The following DAPK1 variants were observed in gnomAD, a reference collection of about 807,000 sequenced individuals.
DAPK1 encodes death-associated protein kinase 1.
Under a neutral mutation model 144.9 loss-of-function variants are expected in DAPK1, and 56 were observed. The ratio of observed to expected loss-of-function variants is 0.39; its 90% CI spans 0.31 to 0.48. DAPK1 has a LOEUF of 0.48. DAPK1 is among the 20% of genes least tolerant of loss of function. The pLI, the probability that DAPK1 is intolerant of heterozygous loss-of-function variation, is 0.95. For missense variants in DAPK1, 1,454 were observed against 1,875.4 expected, an observed-to-expected ratio of 0.78 and a Z score of 4.15; for synonymous variants, 690 against 749.0, an observed-to-expected ratio of 0.92 and a Z score of 1.29.
intron 2 of DAPK1, among the ~76,000 whole-genome samples, chr9:87,603,878 C>T (rs1255908465): frequency 6.6e-6 from 1 of 152,144 alleles, no homozygotes; most frequent in Non-Finnish European, 1.5e-5. Context: ...TCTATTATTA[C>T]AGTCTTTAAT....
chr9:87,639,296 A>C, intron 4 of DAPK1, 58 bp from the exon 5 acceptor site: 5 of 1,419,838 alleles, frequency 3.5e-6, no homozygotes, highest in East Asian at 2.4e-5. Context: ...CTATTCTGCC[A>C]TCTTGTCCTC....
At chr9:87,581,133 A>G (rs1006469513) in intron 2 of DAPK1, among the ~76,000 whole-genome samples, 4 of 152,178 alleles carry the variant, frequency 2.6e-5, no homozygotes, top group African/African-American at 9.7e-5. Context: ...AGTCTGTTGC[A>G]CACTCTTTCC....
intron 21 of DAPK1, among the ~76,000 whole-genome samples, chr9:87,691,363 CT>C (rs1180930299): frequency 5.3e-5 from 8 of 151,670 alleles, no homozygotes; most frequent in African/African-American, 1.7e-4. Context: ...TCATTTTGTT[CT>C]TTTGGGTCTT....
At chr9:87,659,777 C>T (rs563680006) in intron 18 of DAPK1, among the ~76,000 whole-genome samples, 2 of 152,316 alleles carry the variant, frequency 1.3e-5, no homozygotes, top group East Asian at 3.9e-4. Flanking sequence ...CTCAGAGCCG[C>T]ACCCGCAGCG....
chr9:87,703,847 C>A (rs1395902254), intron 25 of DAPK1, among the ~76,000 whole-genome samples: 1 of 152,242 alleles, frequency 6.6e-6, no homozygotes, highest in East Asian at 1.9e-4. Context: ...CTAATGGCAT[C>A]ATATGCCTGT....
chr9:87,633,631 G>A (rs1829788767), intron 3 of DAPK1, among the ~76,000 whole-genome samples: 1 of 152,092 alleles, frequency 6.6e-6, no homozygotes, highest in African/African-American at 2.4e-5. Flanking sequence ...TAACTCTTGG[G>A]GTTCCAGGGT....
chr9:87,570,744 GT>G (rs1190194354), intron 2 of DAPK1, among the ~76,000 whole-genome samples: 1 of 151,716 alleles, frequency 6.6e-6, no homozygotes, highest in East Asian at 2.0e-4. Context: ...TGAATTGCCT[GT>G]TCAGCTGTTC....
At chr9:87,591,018 T>A (rs1828114317) in intron 2 of DAPK1, among the ~76,000 whole-genome samples, 1 of 152,244 alleles carries the variant, frequency 6.6e-6, no homozygotes, top group South Asian at 2.1e-4. Context: ...ACAAATTACT[T>A]GATGACTATG....
At chr9:87,588,982 A>G (rs111337827) in intron 2 of DAPK1, among the ~76,000 whole-genome samples, 15,327 of 150,844 alleles carry the variant, frequency 0.1, 1,441 homozygotes, top group African/African-American at 0.25. Flanking sequence ...TCCACTTCCC[A>G]GGTTCAAGTG....
intron 2 of DAPK1, among the ~76,000 whole-genome samples, chr9:87,535,240 G>A (rs747765734): frequency 1.1e-4 from 16 of 151,906 alleles, no homozygotes; most frequent in Middle Eastern, 3.4e-3. Flanking sequence ...CCCCCCTTTC[G>A]TTCTCTTTAA....
At chr9:87,664,677 C>T (rs1022150977) in intron 18 of DAPK1, among the ~76,000 whole-genome samples, 1 of 152,220 alleles carries the variant, frequency 6.6e-6, no homozygotes, top group East Asian at 1.9e-4. Flanking sequence ...ATTGCTGCCT[C>T]CTAAGTGGGC....
intron 2 of DAPK1, among the ~76,000 whole-genome samples, chr9:87,547,221 A>G (rs1349982990): frequency 6.6e-6 from 1 of 152,240 alleles, no homozygotes; most frequent in Admixed American, 6.5e-5. Flanking sequence ...ATAATTTGAT[A>G]TAAAAATAAT....
At chr9:87,545,585 C>T (rs775036688) in intron 2 of DAPK1, among the ~76,000 whole-genome samples, 1 of 152,106 alleles carries the variant, frequency 6.6e-6, no homozygotes, top group Non-Finnish European at 1.5e-5. Context: ...TTGCTCTTGT[C>T]ACCCAGGCTG....
chr9:87,593,483 A>G (rs1587748295), intron 2 of DAPK1, among the ~76,000 whole-genome samples: 1 of 152,226 alleles, frequency 6.6e-6, no homozygotes. Context: ...AGCAGGGTGA[A>G]TATTGGAGGA....
intron 7 of DAPK1, 131 bp downstream of exon 7, chr9:87,639,946 C>A: frequency 5.3e-6 from 5 of 946,704 alleles, no homozygotes; most frequent in Non-Finnish European, 8.0e-6. Flanking sequence ...TCATTTTACA[C>A]CCCCAAAACA....
chr9:87,531,542 G>T (rs374970897), intron 2 of DAPK1, among the ~76,000 whole-genome samples: 5 of 152,300 alleles, frequency 3.3e-5, no homozygotes, highest in Admixed American at 2.0e-4. Context: ...GTCTCAGACT[G>T]GTGCAAACCT....
At chr9:87,660,058 C>T (rs997115768) in intron 18 of DAPK1, among the ~76,000 whole-genome samples, 47 of 152,174 alleles carry the variant, frequency 3.1e-4, no homozygotes, top group African/African-American at 1.1e-3. Context: ...TTGCTGGAAC[C>T]TGCAGGCCAG....
intron 3 of DAPK1, among the ~76,000 whole-genome samples, chr9:87,611,178 A>AT (rs1828911635): frequency 6.6e-6 from 1 of 152,190 alleles, no homozygotes; most frequent in African/African-American, 2.4e-5. Context: ...TTTTTTAAAA[A>AT]ATATACAGTT....
chr9:87,653,101 C>T lies in DAPK1; in HGVS notation c.1824+1377C>T, dbSNP rs545412271. Among the ~76,000 whole-genome samples, 180 of 123,136 alleles carry T rather than the reference C, an allele frequency of 1.5e-3. 7 individuals are homozygous for T. In the Middle Eastern group the frequency reaches 0.044, roughly 30 times the overall value. 80.8% of individuals were successfully genotyped at this position (123,136 alleles called of 152,430 possible). On this transcript the variant is annotated intron_variant, in intron 17 of 25. Transcript: ENST00000408954. The stretch of plus-strand genomic sequence containing the variant: ...GATTCTGTGTCCATCCCCCCGATCC[C>T]GGGTCCTGATTCTGTGTTCTCTCAC...
Sources: gnomAD v4.1 joint callset for allele counts (sites outside exome capture counted in the v4.1 genomes callset) on GRCh38, gnomAD v4.1.1 for gene constraint, MANE v1.5 for transcripts, NCBI Gene and HGNC (gene_info 2026-07-23, HGNC 2026-07-21) for gene names.